The following WDPCP variants were observed in gnomAD, a reference collection of about 807,000 sequenced individuals.
The protein encoded by WDPCP is WD repeat containing planar cell polarity effector.
WDPCP carries 71 observed loss-of-function variants against 93.1 expected under a neutral mutation model. That is an observed-to-expected ratio of 0.76 (90% CI 0.63 to 0.93). WDPCP has a LOEUF of 0.93. Ranked by LOEUF, WDPCP falls within the 40% of genes least tolerant of loss-of-function variation. WDPCP has a pLI of 0.00. For synonymous variants in WDPCP, 315 were observed against 315.0 expected (o/e 1.00, Z 0.00); for missense variants, 844 against 887.4 (o/e 0.95, Z 0.62).
intron 2 of WDPCP, among the ~76,000 whole-genome samples, chr2:63,782,403 G>A (rs1441059009): frequency 2.0e-5 from 3 of 152,136 alleles, no homozygotes; most frequent in Non-Finnish European, 4.4e-5. Context: ...GAAAAGATTT[G>A]CTAACTATGT....
chr2:63,167,016 T>G (rs760619094), intron 15 of WDPCP, among the ~76,000 whole-genome samples: 7 of 152,202 alleles, frequency 4.6e-5, no homozygotes, highest in Non-Finnish European at 7.3e-5. Context: ...TTTTAATTTT[T>G]AGCTTCCCAC....
intron 2 of WDPCP, among the ~76,000 whole-genome samples, chr2:63,687,289 T>C (rs761270378): frequency 3.3e-5 from 5 of 152,162 alleles, no homozygotes; most frequent in African/African-American, 1.2e-4. Context: ...TCTTGAATAA[T>C]ATCCCACAAG....
chr2:63,250,360 AATT>A (rs1434359112), intron 14 of WDPCP, among the ~76,000 whole-genome samples: 2 of 152,124 alleles, frequency 1.3e-5, no homozygotes, highest in African/African-American at 4.8e-5. Context: ...AAAAATTATG[AATT>A]ATTTATTTCT....
At chr2:63,237,726 C>A (rs763887135) in intron 14 of WDPCP, among the ~76,000 whole-genome samples, 1 of 152,042 alleles carries the variant, frequency 6.6e-6, no homozygotes, top group Non-Finnish European at 1.5e-5. Flanking sequence ...AATGCAGAAA[C>A]AGAAAATGAA....
At chr2:63,669,856 C>T (rs1710324406) in intron 2 of WDPCP, among the ~76,000 whole-genome samples, 2 of 152,140 alleles carry the variant, frequency 1.3e-5, no homozygotes, top group African/African-American at 4.8e-5. Flanking sequence ...GTCCAGTGCA[C>T]AGCTTGCAGG....
At chr2:63,541,563 A>G (rs142527976) in intron 1 of WDPCP, among the ~76,000 whole-genome samples, 7 of 152,342 alleles carry the variant, frequency 4.6e-5, no homozygotes, top group Admixed American at 4.6e-4. Context: ...ATATTGAAGT[A>G]TATAGCAAAT....
chr2:63,626,785 A>G (rs1709815074), intron 3 of WDPCP, among the ~76,000 whole-genome samples: 1 of 152,174 alleles, frequency 6.6e-6, no homozygotes, highest in Non-Finnish European at 1.5e-5. Flanking sequence ...TCAAGGATCT[A>G]GAACCAGAAA....
intron 17 of WDPCP, among the ~76,000 whole-genome samples, chr2:63,128,701 T>C (rs1670088317): frequency 2.0e-5 from 3 of 152,160 alleles, no homozygotes; most frequent in Admixed American, 1.3e-4. Flanking sequence ...GGAATTTTGC[T>C]CTTGTTGCCC....
intron 1 of WDPCP, among the ~76,000 whole-genome samples, chr2:63,818,133 G>T (rs1398295670): frequency 2.6e-5 from 4 of 152,158 alleles, no homozygotes; most frequent in African/African-American, 9.7e-5. Context: ...AAGAGAATTG[G>T]CAACCAATGG....
intron 17 of WDPCP, among the ~76,000 whole-genome samples, chr2:63,126,560 T>TTTC (rs1669914670): frequency 1.3e-5 from 2 of 152,188 alleles, no homozygotes; most frequent in South Asian, 4.1e-4. Context: ...AGTAAACCTA[T>TTTC]TTCACTTTTT....
intron 1 of WDPCP, among the ~76,000 whole-genome samples, chr2:63,519,849 T>G (rs138035829): frequency 1.3e-5 from 2 of 152,318 alleles, no homozygotes; most frequent in Admixed American, 1.3e-4. Flanking sequence ...CAAATCATCA[T>G]ACTAGTTCCC....
chr2:63,273,697 G>T (rs1682841667), intron 13 of WDPCP, among the ~76,000 whole-genome samples: 1 of 151,950 alleles, frequency 6.6e-6, no homozygotes, highest in Non-Finnish European at 1.5e-5. Context: ...AGGTAAAATA[G>T]AATTTAAATA....
intron 2 of WDPCP, among the ~76,000 whole-genome samples, chr2:63,665,340 G>A (rs556551712): frequency 1.7e-4 from 26 of 152,164 alleles, no homozygotes; most frequent in Non-Finnish European, 3.2e-4. Context: ...TCCTTGGCCT[G>A]TAAATGCATC....
chr2:63,513,912 T>C (rs534663299), intron 1 of WDPCP, among the ~76,000 whole-genome samples: 9 of 151,840 alleles, frequency 5.9e-5, no homozygotes, highest in African/African-American at 1.9e-4. Context: ...TTTGGTTAAA[T>C]AAATTTACTG....
chr2:63,739,675 G>T (rs912185414), intron 2 of WDPCP, among the ~76,000 whole-genome samples: 4 of 151,930 alleles, frequency 2.6e-5, no homozygotes, highest in Admixed American at 2.6e-4. Flanking sequence ...AGGAATGGTT[G>T]AACTAATTTA....
chr2:63,333,010 G>C (rs1688090408), intron 12 of WDPCP, among the ~76,000 whole-genome samples: 1 of 151,940 alleles, frequency 6.6e-6, no homozygotes, highest in Non-Finnish European at 1.5e-5. Context: ...TTATATTTAG[G>C]CTTTACCCAT....
chr2:63,408,362 C>T (rs1694759572), intron 9 of WDPCP, among the ~76,000 whole-genome samples: 1 of 152,122 alleles, frequency 6.6e-6, no homozygotes. Context: ...CTGACCTTAA[C>T]TGGAAGTGAG....
chr2:63,260,385 A>G (rs1421206376), intron 13 of WDPCP, among the ~76,000 whole-genome samples: 3 of 152,244 alleles, frequency 2.0e-5, no homozygotes, highest in Non-Finnish European at 4.4e-5. Context: ...ATAAATATAA[A>G]TGGCTTATCA....
intron 9 of WDPCP, among the ~76,000 whole-genome samples, chr2:63,420,675 A>G (rs1344165246): frequency 6.6e-6 from 1 of 152,232 alleles, no homozygotes; most frequent in Non-Finnish European, 1.5e-5. Flanking sequence ...TTCATCATCA[A>G]TCAAGAACAA....
Sources: gnomAD v4.1 joint callset for allele counts (sites outside exome capture counted in the v4.1 genomes callset) on GRCh38, gnomAD v4.1.1 for gene constraint, MANE v1.5 for transcripts, NCBI Gene and HGNC (gene_info 2026-07-23, HGNC 2026-07-21) for gene names.